COL6A3: variants seen among roughly 807,000 people sequenced by gnomAD.
COL6A3 encodes collagen type VI alpha 3 chain.
In COL6A3, 137 loss-of-function variants were observed where a neutral mutation model predicts 274.1. That is an observed-to-expected ratio of 0.50 (90% CI 0.44 to 0.58). The LOEUF is 0.58. COL6A3 is among the 20% of genes least tolerant of loss of function. COL6A3 has a pLI of 0.00. For synonymous variants in COL6A3, 1,650 were observed against 1,650.6 expected, an observed-to-expected ratio of 1.00 and a Z score of 0.01; for missense variants, 3,950 against 4,124.9, an observed-to-expected ratio of 0.96 and a Z score of 1.16.
In COL6A3 at chr2:237,366,162, C is replaced by CTG. The variant is rs1300157059; in HGVS notation, c.5501-129_5501-128dup. 4 of 797,400 alleles carry CTG rather than the reference C, an allele frequency of 5.0e-6. No homozygotes were observed. In the East Asian group the frequency reaches 7.8e-5, roughly 16 times the overall value. 49.4% of individuals were successfully genotyped at this position (797,400 alleles called of 1,614,324 possible). ...TCGCACTCAAGTGCAAAATGAGATC[C>CTG]TGTGTGTGTGAGCTTTGAGAAGCAA... is the stretch of plus-strand genomic sequence containing the variant. On this transcript the variant is annotated intron_variant, in intron 11 of 43. Coordinates refer to ENST00000295550, the MANE Select transcript of COL6A3 (RefSeq NM_004369.4).
In COL6A3 at chr2:237,366,783, C is replaced by T. The variant is rs1347291834; in HGVS notation, c.5404G>A (p.Val1802Ile). ...NSATAFRVGNVQELSELSEQV... is the reference protein window; with the variant it reads ...NSATAFRVGNIQELSELSEQV... ...TCGCTCAGTTCGGACAGCTCCTGGACGTTGCCCACGCGGAACGCTGTGGCG... is the reference window on the plus strand; with the variant it reads ...TCGCTCAGTTCGGACAGCTCCTGGATGTTGCCCACGCGGAACGCTGTGGCG... Residue 1802 changes from valine to isoleucine, a missense_variant, in exon 11 of 44, where the codon GTC (valine) becomes ATC (isoleucine). By Grantham distance (29) the Val-to-Ile change is conservative (BLOSUM62 3). Coordinates refer to ENST00000295550, the MANE Select transcript of COL6A3 (RefSeq NM_004369.4). 2.5e-5 allele frequency: 41 copies of T among 1,614,166 alleles called. No homozygotes were observed. The highest frequency in any genetic ancestry group is 3.3e-5 in the Admixed American group (2 of 60,016).
Position 237,371,721 on chromosome 2 carries a change from C to T in COL6A3, c.4285+11G>A, listed in dbSNP as rs112360998. 9.5e-6 allele frequency: 15 copies of T among 1,579,964 alleles called. No homozygotes were observed. The highest frequency in any genetic ancestry group is 1.3e-5 in the Non-Finnish European group (15 of 1,160,690). ...ATGCTCCAAGGAGAACCTCCGACGC[C>T]CCCATCTCACCTGGAGGTGGATAGC... On this transcript the variant is annotated intron_variant, in intron 9 of 43. Coordinates refer to ENST00000295550, the MANE Select transcript of COL6A3 (RefSeq NM_004369.4). This position sits in a 1 kb window ranked among gnomAD's most constrained non-coding sequence, Gnocchi z 4.3.
At chr2:237,340,052 A>T (rs190420536) in intron 38 of COL6A3, among the ~76,000 whole-genome samples, 1 of 151,906 alleles carries the variant, frequency 6.6e-6, no homozygotes, top group Non-Finnish European at 1.5e-5. Flanking sequence ...GATCAAAGCA[A>T]CTCTTTCTAG....
At chr2:237,379,705 C>G (rs1037132304) in intron 5 of COL6A3, among the ~76,000 whole-genome samples, 1 of 152,108 alleles carries the variant, frequency 6.6e-6, no homozygotes, top group Non-Finnish European at 1.5e-5. Context: ...CCTGAGAAAA[C>G]GAGTTCCTTA....
chr2:237,351,799 G>A (rs2077212433), intron 26 of COL6A3, among the ~76,000 whole-genome samples: 1 of 152,204 alleles, frequency 6.6e-6, no homozygotes, highest in African/African-American at 2.4e-5. Context: ...CTAAAGATAT[G>A]TATTTATCAG....
chr2:237,328,302 A>G (rs1303260423), intron 42 of COL6A3: 1 of 152,204 alleles, frequency 6.6e-6, no homozygotes, highest in African/African-American at 2.4e-5. Context: ...ATGTTAGGTT[A>G]AAACCCTGTT....
intron 39 of COL6A3, 94 bp from the exon 40 acceptor site, chr2:237,336,626 C>A: frequency 7.6e-7 from 1 of 1,314,826 alleles, no homozygotes. Context: ...TTTGTTTTAG[C>A]AAAATGCATG....
Position 237,378,894 on chromosome 2 carries a change from G to T in COL6A3, c.2239C>A (p.Leu747Met). 6.2e-7 allele frequency: 1 copy of T among 1,614,244 alleles called. No homozygotes were observed. The highest frequency in any genetic ancestry group is 1.3e-5 in the African/African-American group (1 of 75,066). The part of the protein sequence containing the change: ...SRIREHVPQL[L>M]LLLTAGQSED... ...GACTGCCCAGCTGTGAGCAGAAGCA[G>T]GAGCTGCGGCACGTGTTCACGGATC... The change falls in exon 6 of 44, where the codon CTG becomes ATG. Residue 747 changes from leucine to methionine, a missense_variant. This residue lies in a region of COL6A3 where 1,934 missense variants were observed against 1,984.3 expected (regional missense o/e 0.97). Coordinates refer to ENST00000295550, the MANE Select transcript of COL6A3 (RefSeq NM_004369.4).
chr2:237,350,142 C>G lies in COL6A3; in HGVS notation c.6879+5G>C. On this transcript the variant is annotated splice_donor_5th_base_variant and intron_variant, in intron 28 of 43. Transcript: ENST00000295550. The stretch of plus-strand genomic sequence containing the variant: ...AGCCTGACCCCAAGCGCGCTGTGAC[C>G]TTACCGTCTCCCCACGAGGGCCCCG... The G allele has an allele frequency of 6.2e-7, 1 of 1,614,022 alleles. No individual in the cohort carries two copies. The highest frequency in any genetic ancestry group is 8.5e-7 in the Non-Finnish European group (1 of 1,179,952).
chr2:237,388,220 T>C, intron 3 of COL6A3, 36 bp from the exon 4 acceptor site: 2 of 1,612,996 alleles, frequency 1.2e-6, no homozygotes, highest in Non-Finnish European at 1.7e-6. Context: ...TGTGAAAGCA[T>C]TAGAACAAGT....
intron 27 of COL6A3, 113 bp from the exon 28 acceptor site, chr2:237,350,322 T>A: frequency 1.1e-6 from 1 of 902,418 alleles, no homozygotes; most frequent in Non-Finnish European, 1.8e-6. Context: ...ACTTCACCTT[T>A]GAGATTTCGG....
chr2:237,338,618 A>G lies in COL6A3; in HGVS notation c.8567+397T>C, dbSNP rs201309459. Among the ~76,000 whole-genome samples the G allele has an allele frequency of 2.0e-5, 3 of 152,156 alleles. No homozygotes were observed. The East Asian group carries it at 5.8e-4, about 29-fold the overall frequency. On this transcript the variant is annotated intron_variant, in intron 39 of 43. Coordinates refer to ENST00000295550, the MANE Select transcript of COL6A3 (RefSeq NM_004369.4). ...TCTCTACTGAAAAAAAAATACAAAA[A>G]TTAGCCAGGCATGGCTGCATGCACC...
At chr2:237,391,101 G>A (rs983685547) in intron 3 of COL6A3, among the ~76,000 whole-genome samples, 3 of 152,174 alleles carry the variant, frequency 2.0e-5, no homozygotes, top group Non-Finnish European at 4.4e-5. Context: ...TCTCTATAAT[G>A]CTCTTCTAAC....
chr2:237,350,993 C>T lies in COL6A3; in HGVS notation c.6816+137G>A, dbSNP rs150628086. On this transcript the variant is annotated intron_variant, in intron 27 of 43. Transcript: ENST00000295550. ...GACAATGATTCCACTGGCCAAGCCG[C>T]GATCAACAGGGGAGGCTGGAGTGGG... 10,373 of 810,434 alleles carry T rather than the reference C, an allele frequency of 0.013. 101 individuals are homozygous for T. Among genetic ancestry groups the T allele is most frequent in the Non-Finnish European group, 0.018 (8,384 of 465,902 alleles). 50.2% of individuals were successfully genotyped at this position (810,434 alleles called of 1,614,324 possible).
chr2:237,327,345 GTTCAA>G (rs1362389716), intron 42 of COL6A3: 1 of 152,392 alleles, frequency 6.6e-6, no homozygotes, highest in Non-Finnish European at 1.5e-5. Flanking sequence ...GTGTTTAGCT[GTTCAA>G]TTCCCAGTCC....
At position 237,365,857 on chromosome 2, in the gene COL6A3, C is replaced by G; in HGVS notation, c.5679G>C (p.Thr1893=). Residue 1893 remains threonine (T), a synonymous_variant, in exon 12 of 44, where the codon ACG becomes ACC. Coordinates refer to ENST00000295550, the MANE Select transcript of COL6A3 (RefSeq NM_004369.4). The stretch of plus-strand genomic sequence containing the variant: ...CAAAGGCCTCCACCGGGCCCGAGGG[C>G]GTGTTGGCCACCACTGACACACGCA... ...PTVRVSVVAN[T]PSGPVEAFDF... is the part of the protein sequence containing the mutation. The G allele has an allele frequency of 6.2e-7, 1 of 1,614,186 alleles. No homozygotes were observed. The highest frequency in any genetic ancestry group is 1.1e-5 in the South Asian group (1 of 91,082).
At chr2:237,337,568 A>G (rs34387889) in intron 39 of COL6A3, among the ~76,000 whole-genome samples, 57,895 of 152,118 alleles carry the variant, frequency 0.38, 11,633 homozygotes, top group Middle Eastern at 0.49. Context: ...GCTAGTCGTA[A>G]GCCAGATAGT....
chr2:237,390,741 C>T (rs1302209240), intron 3 of COL6A3, among the ~76,000 whole-genome samples: 2 of 152,172 alleles, frequency 1.3e-5, no homozygotes, highest in African/African-American at 2.4e-5. Flanking sequence ...AACAAGTTCC[C>T]ATTCTTGTTT....
In COL6A3 at chr2:237,407,973, T is replaced by C. The variant is rs1001198856; in HGVS notation, c.-31+5980A>G. Among the ~76,000 whole-genome samples the C allele has an allele frequency of 9.9e-5, 15 of 152,228 alleles. No individual in the cohort carries two copies. The highest frequency in any genetic ancestry group is 1.9e-4 in the Non-Finnish European group (13 of 68,036). On this transcript the variant is annotated intron_variant, in intron 1 of 43. Coordinates refer to ENST00000295550, the MANE Select transcript of COL6A3 (RefSeq NM_004369.4). The surrounding 1 kb of genome is among the most constrained non-coding windows in gnomAD (Gnocchi z 4.3). ...CAAATTGGAGCTTGGCACTTATTCCTGTCTTTTCCTTCTTGGCAATGAACT... is the reference window on the plus strand; with the variant it reads ...CAAATTGGAGCTTGGCACTTATTCCCGTCTTTTCCTTCTTGGCAATGAACT...
Sources: gnomAD v4.1 joint callset for allele counts (sites outside exome capture counted in the v4.1 genomes callset) on GRCh38, gnomAD v4.1.1 for gene constraint, gnomAD v4.1.1 regional missense constraint, Gnocchi (gnomAD v3.1) non-coding constraint, MANE v1.5 for transcripts, NCBI Gene and HGNC (gene_info 2026-07-23, HGNC 2026-07-21) for gene names.